Variants in KCNQ1OT1 observed in about 807,000 individuals in gnomAD.
The protein encoded by KCNQ1OT1 is KCNQ1 opposite strand/antisense transcript 1.
chr11:2,627,992 TC>T lies in KCNQ1OT1; in HGVS notation n.72002del, dbSNP rs1273247189. ...GTCTCAAACTCCTGTGTTCAAGCTA[TC>T]CTTCACCTTGGCCACCCCCAAGTAC... is the stretch of plus-strand genomic sequence containing the variant. On this transcript the variant is annotated non_coding_transcript_exon_variant, in exon 1 of 1. Transcript: ENST00000597346. This position sits in a 1 kb window ranked among gnomAD's most constrained non-coding sequence, Gnocchi z 4.9. 2 of 398,518 alleles carry T rather than the reference TC, an allele frequency of 5.0e-6. No homozygotes were observed. Among genetic ancestry groups the T allele is most frequent in the Non-Finnish European group, 8.8e-6 (2 of 226,104 alleles). 24.7% of individuals were successfully genotyped at this position (398,518 alleles called of 1,614,324 possible). A position where few individuals can be genotyped will look rare whatever the true frequency, so the allele number is the denominator to read the frequency against.
chr11:2,642,614 G>C lies in KCNQ1OT1; in HGVS notation n.57381C>G. ...GTTATTTTGTTTCTTTTCAAAAACCGATTTTGCATTTCATTGATCCTTTAT... is the reference window on the plus strand; with the variant it reads ...GTTATTTTGTTTCTTTTCAAAAACCCATTTTGCATTTCATTGATCCTTTAT... On this transcript the variant is annotated non_coding_transcript_exon_variant, in exon 1 of 1. Transcript: ENST00000597346. The surrounding 1 kb of genome is among the most constrained non-coding windows in gnomAD (Gnocchi z 4.3). The C allele has an allele frequency of 2.5e-6, 1 of 397,664 alleles. No homozygotes were observed. Among genetic ancestry groups the C allele is most frequent in the Admixed American group, 4.4e-5 (1 of 22,684 alleles). The allele number at this position is 397,664 out of a possible 1,614,324, so 24.6% of individuals were successfully genotyped here.
exon 1 of KCNQ1OT1, chr11:2,646,293 T>C (rs1849664209): frequency 2.5e-6 from 1 of 398,500 alleles, no homozygotes; most frequent in Non-Finnish European, 4.4e-6. Flanking sequence ...TATATTGCTA[T>C]AGGTAAATAT....
chr11:2,680,297 A>G (rs1287734050), exon 1 of KCNQ1OT1: 2 of 389,960 alleles, frequency 5.1e-6, no homozygotes, highest in Non-Finnish European at 8.9e-6. Flanking sequence ...ATTTAGATTA[A>G]CTGATGAAGA....
rs1055638742 is a variant in KCNQ1OT1 at position 2,661,608 on chromosome 11, C to T, written n.38387G>A. On this transcript the variant is annotated non_coding_transcript_exon_variant, in exon 1 of 1. Transcript: ENST00000597346. This position sits in a 1 kb window ranked among gnomAD's most constrained non-coding sequence, Gnocchi z 5.9. ...CTGTTGTCCCTTACCAGGCCTGTGC[C>T]TGTCACCTCTGTTTTATTCTTGACC... 1 of 580,736 alleles carries T rather than the reference C, an allele frequency of 1.7e-6. No individual in the cohort carries two copies. The highest frequency in any genetic ancestry group is 3.1e-6 in the Non-Finnish European group (1 of 326,216). 36.0% of individuals were successfully genotyped at this position (580,736 alleles called of 1,614,324 possible).
In KCNQ1OT1 at chr11:2,608,752, G is replaced by C. The variant is rs1848924973; in HGVS notation, n.91243C>G. 5.0e-6 allele frequency: 2 copies of C among 398,552 alleles called. No individual in the cohort carries two copies. Among genetic ancestry groups the C allele is most frequent in the South Asian group, 2.5e-4 (2 of 7,860 alleles). 24.7% of individuals were successfully genotyped at this position (398,552 alleles called of 1,614,324 possible). Reference sequence around the variant, plus strand: ...AATTCTCCTGCCTTGGCCTCCCAAAGTGCTGGGATTACAGGTGTGAGCCAC... The same window carrying C: ...AATTCTCCTGCCTTGGCCTCCCAAACTGCTGGGATTACAGGTGTGAGCCAC... On this transcript the variant is annotated non_coding_transcript_exon_variant, in exon 1 of 1. Coordinates refer to ENST00000597346, the Ensembl canonical transcript of KCNQ1OT1. The surrounding 1 kb of genome is among the most constrained non-coding windows in gnomAD (Gnocchi z 4.6).
At position 2,633,337 on chromosome 11, in the gene KCNQ1OT1, A is replaced by G. The variant is rs544737880; in HGVS notation, n.66658T>C. The G allele has an allele frequency of 7.9e-4, 316 of 398,338 alleles. No individual in the cohort carries two copies. The highest frequency in any genetic ancestry group is 1.2e-3 in the Non-Finnish European group (268 of 226,020). 24.7% of individuals were successfully genotyped at this position (398,338 alleles called of 1,614,324 possible). On this transcript the variant is annotated non_coding_transcript_exon_variant, in exon 1 of 1. Transcript: ENST00000597346. Reference sequence around the variant, plus strand: ...CCCATTCTACAGGATATCTCTTAATAGTTTATTATTTCCTTTTATGTGTAG... The same window carrying G: ...CCCATTCTACAGGATATCTCTTAATGGTTTATTATTTCCTTTTATGTGTAG...
chr11:2,681,436 G>T (rs1368628791), exon 1 of KCNQ1OT1: 2 of 398,536 alleles, frequency 5.0e-6, no homozygotes, highest in Non-Finnish European at 8.8e-6. Flanking sequence ...AGCTCTAGGG[G>T]ATTTTGGGAC....
exon 1 of KCNQ1OT1, chr11:2,672,357 C>T (rs1850200654): frequency 2.5e-6 from 1 of 398,508 alleles, no homozygotes; most frequent in Admixed American, 4.4e-5. Flanking sequence ...TGTGGTGGGG[C>T]AGCCTTCACA....
exon 1 of KCNQ1OT1, chr11:2,665,565 A>T (rs1322980042): frequency 5.1e-6 from 2 of 394,416 alleles, no homozygotes; most frequent in Non-Finnish European, 8.9e-6. Flanking sequence ...CCAGATTTCC[A>T]TTCATCTTTC....
exon 1 of KCNQ1OT1, chr11:2,632,973 G>GT: frequency 5.0e-6 from 2 of 398,308 alleles, no homozygotes; most frequent in Non-Finnish European, 8.9e-6. Flanking sequence ...TCTACTTTTA[G>GT]TTTTTTTGAC....
rs185806915 is a variant in KCNQ1OT1, at chr11:2,691,899, G to A, written n.8096C>T. The A allele has an allele frequency of 1.5e-5, 6 of 398,734 alleles. No homozygotes were observed. Among genetic ancestry groups the A allele is most frequent in the African/African-American group, 1.0e-4 (5 of 48,706 alleles). 24.7% of individuals were successfully genotyped at this position (398,734 alleles called of 1,614,324 possible). A position where few individuals can be genotyped will look rare whatever the true frequency, so the allele number is the denominator to read the frequency against. On this transcript the variant is annotated non_coding_transcript_exon_variant, in exon 1 of 1. Coordinates refer to ENST00000597346, the Ensembl canonical transcript of KCNQ1OT1. The surrounding 1 kb of genome is among the most constrained non-coding windows in gnomAD (Gnocchi z 6.4). ...CTCCTGGCTTTCTTGCCATCTTTCT[G>A]GCTCTATCCTCAGTCTCCTTGGCAG... is the stretch of plus-strand genomic sequence containing the variant.
exon 1 of KCNQ1OT1, chr11:2,628,797 T>A (rs1849304121): frequency 2.5e-6 from 1 of 398,270 alleles, no homozygotes; most frequent in Non-Finnish European, 4.4e-6. Flanking sequence ...TTCTCTACAG[T>A]GTAGGGTAAG....
At chr11:2,693,975 T>G (rs1850631784) in exon 1 of KCNQ1OT1, 1 of 398,524 alleles carries the variant, frequency 2.5e-6, no homozygotes. Context: ...CTGGAGAAGG[T>G]GAGCAGGCCC....
At position 2,690,089 on chromosome 11, in the gene KCNQ1OT1, G is replaced by C. The variant is rs1409346512; in HGVS notation, n.9906C>G. The C allele has an allele frequency of 2.5e-6, 1 of 398,896 alleles. No individual in the cohort carries two copies. The highest frequency in any genetic ancestry group is 6.3e-4 in the Middle Eastern group (1 of 1,596). The allele number at this position is 398,896 out of a possible 1,614,324, so 24.7% of individuals were successfully genotyped here. A position where few individuals can be genotyped will look rare whatever the true frequency, so the allele number is the denominator to read the frequency against. ...TCTGTCTGGGCTGAAGGCACAGCAGGGACAATCGCTCTTCCGGGGTTAGAA... is the reference window on the plus strand; with the variant it reads ...TCTGTCTGGGCTGAAGGCACAGCAGCGACAATCGCTCTTCCGGGGTTAGAA... On this transcript the variant is annotated non_coding_transcript_exon_variant, in exon 1 of 1. Coordinates refer to ENST00000597346, the Ensembl canonical transcript of KCNQ1OT1. This position sits in a 1 kb window ranked among gnomAD's most constrained non-coding sequence, Gnocchi z 5.1.
rs544639895 is a variant in KCNQ1OT1 at position 2,627,197 on chromosome 11, T to G, written n.72798A>C. On this transcript the variant is annotated non_coding_transcript_exon_variant, in exon 1 of 1. Transcript: ENST00000597346. This position sits in a 1 kb window ranked among gnomAD's most constrained non-coding sequence, Gnocchi z 4.9. The stretch of plus-strand genomic sequence containing the variant: ...ATGCTTTTTTCAGCTTTTATTGAGG[T>G]ATAATTGACAAATTAAAAGTGCATA... 2.5e-6 allele frequency: 1 copy of G among 398,544 alleles called. No homozygotes were observed. The highest frequency in any genetic ancestry group is 1.3e-4 in the South Asian group (1 of 7,858). The allele number at this position is 398,544 out of a possible 1,614,324, so 24.7% of individuals were successfully genotyped here. A position where few individuals can be genotyped will look rare whatever the true frequency, so the allele number is the denominator to read the frequency against.
Position 2,650,551 on chromosome 11 carries a change from G to C in KCNQ1OT1, n.49444C>G, listed in dbSNP as rs1013646555. 10 of 398,530 alleles carry C rather than the reference G, an allele frequency of 2.5e-5. No homozygotes were observed. The East Asian group carries it at 3.2e-4, about 13-fold the overall frequency. The allele number at this position is 398,530 out of a possible 1,614,324, so 24.7% of individuals were successfully genotyped here. ...AGTGGTATCTGCAAGTTCATCAGTG[G>C]CTTAGGCTGCTTGGTGCTTAGGATG... is the stretch of plus-strand genomic sequence containing the variant. On this transcript the variant is annotated non_coding_transcript_exon_variant, in exon 1 of 1. Transcript: ENST00000597346.
In KCNQ1OT1 at chr11:2,620,212, T is replaced by TATA. The variant is rs749794052; in HGVS notation, n.79782_79783insTAT. On this transcript the variant is annotated non_coding_transcript_exon_variant, in exon 1 of 1. Coordinates refer to ENST00000597346, the Ensembl canonical transcript of KCNQ1OT1. The surrounding 1 kb of genome is among the most constrained non-coding windows in gnomAD (Gnocchi z 4.5). Reference sequence around the variant, plus strand: ...AAGTTCATTCATGTATATATATATATTTTTTTTTTTTATTTTTTTTTTAGA... The same window carrying TATA: ...AAGTTCATTCATGTATATATATATATATATTTTTTTTTTTATTTTTTTTTTAGA... 5.5e-3 allele frequency: 1,108 copies of TATA among 202,084 alleles called. 10 individuals are homozygous for TATA. The highest frequency in any genetic ancestry group is 0.024 in the African/African-American group (766 of 31,418). 12.5% of individuals were successfully genotyped at this position (202,084 alleles called of 1,614,324 possible).
rs1849176105 is a variant in KCNQ1OT1 at position 2,621,758 on chromosome 11, CTCTT to C, written n.78233_78236del. 9 of 398,122 alleles carry C rather than the reference CTCTT, an allele frequency of 2.3e-5. No individual in the cohort carries two copies. The South Asian group carries it at 3.8e-4, about 17-fold the overall frequency. 24.7% of individuals were successfully genotyped at this position (398,122 alleles called of 1,614,324 possible). A position where few individuals can be genotyped will look rare whatever the true frequency, so the allele number is the denominator to read the frequency against. On this transcript the variant is annotated non_coding_transcript_exon_variant, in exon 1 of 1. Coordinates refer to ENST00000597346, the Ensembl canonical transcript of KCNQ1OT1. This position sits in a 1 kb window ranked among gnomAD's most constrained non-coding sequence, Gnocchi z 5.7. The stretch of plus-strand genomic sequence containing the variant: ...CTCCATTTTCATTTCTGATTTTGTC[CTCTT>C]TCTTAGTCCAAGAGTTTGTTGATTT...
rs903105070 is a variant in KCNQ1OT1, at chr11:2,612,249, G to C, written n.87746C>G. ...AGTGATGGCATTAGATTCTCACAGA[G>C]AGCAAATCCTATTGTGAACTGAGCA... On this transcript the variant is annotated non_coding_transcript_exon_variant, in exon 1 of 1. Coordinates refer to ENST00000597346, the Ensembl canonical transcript of KCNQ1OT1. The surrounding 1 kb of genome is among the most constrained non-coding windows in gnomAD (Gnocchi z 5.5). The C allele has an allele frequency of 2.5e-6, 1 of 398,458 alleles. No homozygotes were observed. Among genetic ancestry groups the C allele is most frequent in the African/African-American group, 2.1e-5 (1 of 48,616 alleles). The allele number at this position is 398,458 out of a possible 1,614,324, so 24.7% of individuals were successfully genotyped here. A position where few individuals can be genotyped will look rare whatever the true frequency, so the allele number is the denominator to read the frequency against.
Sources: allele counts gnomAD v4.1 joint callset, GRCh38; gene constraint gnomAD v4.1.1; non-coding constraint Gnocchi (gnomAD v3.1); transcripts MANE v1.5; gene names NCBI Gene and HGNC (gene_info 2026-07-23, HGNC 2026-07-21).